The following SLC11A2 variants were observed in gnomAD, a reference collection of about 807,000 sequenced individuals.
SLC11A2 encodes natural resistance-associated macrophage protein 2.
SLC11A2 carries 38 observed loss-of-function variants against 68.0 expected under a neutral mutation model. The ratio of observed to expected loss-of-function variants is 0.56; its 90% CI spans 0.43 to 0.73. The LOEUF (loss-of-function observed/expected upper bound fraction) is 0.73, where lower values mean the gene tolerates loss of function less well. Among genes scored for constraint, SLC11A2 ranks in the 30% least tolerant of loss-of-function variants. The pLI, the probability that SLC11A2 is intolerant of heterozygous loss-of-function variation, is 0.00. For synonymous variants in SLC11A2, 242 were observed against 250.6 expected (o/e 0.97, Z 0.32); for missense variants, 517 against 690.5 (o/e 0.75, Z 2.82).
chr12:51,005,671 T>C, intron 3 of SLC11A2: 2 of 1,346,960 alleles, frequency 1.5e-6, no homozygotes, highest in South Asian at 2.5e-5. Context: ...TCCATCAGCC[T>C]CTTATTCTAA....
intron 3 of SLC11A2, 157 bp from the exon 4 acceptor site, chr12:51,005,593 T>C: frequency 6.8e-7 from 1 of 1,468,998 alleles, no homozygotes; most frequent in Non-Finnish European, 9.1e-7. Flanking sequence ...ACCTCCATCT[T>C]ACCCACTTTT....
rs1364626227 is a variant in SLC11A2 at position 51,026,047 on chromosome 12, G to A, written c.-39+263C>T. ...GCCATGTGTCCTAGGCCGCGGCGGGGAAGGGGCGAGACCCCCGCGACCTCC... is the reference window on the plus strand; with the variant it reads ...GCCATGTGTCCTAGGCCGCGGCGGGAAAGGGGCGAGACCCCCGCGACCTCC... On this transcript the variant is annotated intron_variant, in intron 1 of 15. Coordinates refer to ENST00000262052, the MANE Select transcript of SLC11A2 (RefSeq NM_000617.3). The A allele has an allele frequency of 6.4e-6, 7 of 1,092,900 alleles. No individual in the cohort carries two copies. In the Admixed American group the frequency reaches 1.7e-4, roughly 27 times the overall value. 67.7% of individuals were successfully genotyped at this position (1,092,900 alleles called of 1,614,324 possible).
downstream of SLC11A2, chr12:50,979,758 G>A (rs1287315356): frequency 1.4e-5 from 6 of 432,726 alleles, no homozygotes; most frequent in Admixed American, 2.5e-5. Flanking sequence ...TTTAAGGGCC[G>A]ATTATAAACG....
At chr12:50,956,664 C>T in the SLC11A2 span, among the ~76,000 whole-genome samples, 1 of 152,198 alleles carries the variant, frequency 6.6e-6, no homozygotes, top group Admixed American at 6.5e-5. Context: ...TTTCACTTAA[C>T]AGCTCATACG....
In SLC11A2 at chr12:51,000,325, A is replaced by G; in HGVS notation, c.524T>C (p.Leu175Pro). 1 of 1,611,906 alleles carries G rather than the reference A, an allele frequency of 6.2e-7. No individual in the cohort carries two copies. The highest frequency in any genetic ancestry group is 8.5e-7 in the Non-Finnish European group (1 of 1,177,918). The stretch of plus-strand genomic sequence containing the variant: ...GAAAACCCCTCACCTTCCTACAGAC[A>G]GAAGATTGATAGCAATGGCTGAGCC... ...VIGSAIAINL[L>P]SVGRIPLWGG... Residue 175 changes from leucine to proline, a missense_variant, in exon 6 of 16, where the codon CTG (leucine) becomes CCG (proline). By Grantham distance (98) the Leu-to-Pro change is moderately conservative. Coordinates refer to ENST00000262052, the MANE Select transcript of SLC11A2 (RefSeq NM_000617.3).
chr12:51,026,054 C>A (rs1944362725), intron 1 of SLC11A2: 18 of 1,096,982 alleles, frequency 1.6e-5, no homozygotes, highest in Non-Finnish European at 2.0e-5. Flanking sequence ...GGGGAAGGGG[C>A]GAGACCCCCG....
intron 1 of SLC11A2, chr12:51,024,339 T>C (rs1407053961): frequency 6.6e-6 from 1 of 152,202 alleles, no homozygotes; most frequent in African/African-American, 2.4e-5. Flanking sequence ...AATAAAGATG[T>C]CTTTGATTCA....
intron 5 of SLC11A2, 130 bp downstream of exon 5, chr12:51,004,658 C>T (rs12831269): frequency 0.18 from 165,607 of 924,696 alleles, 16,141 homozygotes; most frequent in South Asian, 0.28. Context: ...CCGTTGGTAC[C>T]GTCTGTCTTC....
At position 50,989,147 on chromosome 12, in the gene SLC11A2, T is replaced by C. The variant is rs559293294; in HGVS notation, c.1576-712A>G. 1.2e-4 allele frequency among the ~76,000 whole-genome samples: 19 copies of C among 152,270 alleles called. No individual in the cohort carries two copies. In the South Asian group the frequency reaches 3.9e-3, roughly 32 times the overall value. On this transcript the variant is annotated intron_variant, in intron 15 of 15. Transcript: ENST00000262052. ...AAGCTGCTCTATGAAGTTCCTGTTT[T>C]GAAGTTAAACAACAGTAACCCACTC... is the stretch of plus-strand genomic sequence containing the variant.
At position 50,986,393 on chromosome 12, in the gene SLC11A2, ATAT is replaced by A; in HGVS notation, c.*1929_*1931del. On this transcript the variant is annotated 3_prime_UTR_variant, in exon 16 of 16. Transcript: ENST00000262052. ...TTTAACACTGTGAAGTACACACATA[ATAT>A]TATAAAATGCCATTTAATTGGAAGG... 7.8e-7 allele frequency: 1 copy of A among 1,279,992 alleles called. No homozygotes were observed. The highest frequency in any genetic ancestry group is 1.0e-6 in the Non-Finnish European group (1 of 982,396). 79.3% of individuals were successfully genotyped at this position (1,279,992 alleles called of 1,614,324 possible).
chr12:50,998,007 A>G (rs570614994), intron 8 of SLC11A2, among the ~76,000 whole-genome samples: 1 of 151,814 alleles, frequency 6.6e-6, no homozygotes, highest in African/African-American at 2.4e-5. Context: ...AAAGAAAAGA[A>G]AAAAGAAAAA....
In SLC11A2 at chr12:50,988,112, A is replaced by G; in HGVS notation, c.*213T>C. On this transcript the variant is annotated 3_prime_UTR_variant, in exon 16 of 16. Transcript: ENST00000262052. Reference sequence around the variant, plus strand: ...GATAGCAGCAAATGTCAGCTTTTCAAAGATCCCACCCTAATCCAGTTCTAA... The same window carrying G: ...GATAGCAGCAAATGTCAGCTTTTCAGAGATCCCACCCTAATCCAGTTCTAA... 4 of 1,486,792 alleles carry G rather than the reference A, an allele frequency of 2.7e-6. No homozygotes were observed. The highest frequency in any genetic ancestry group is 3.6e-6 in the Non-Finnish European group (4 of 1,116,814). The allele number at this position is 1,486,792 out of a possible 1,614,324, so 92.1% of individuals were successfully genotyped here.
At chr12:50,970,871 CTTTATTTTAT>C in the SLC11A2 span, among the ~76,000 whole-genome samples, 10 of 151,400 alleles carry the variant, frequency 6.6e-5, no homozygotes, top group South Asian at 2.1e-3. Flanking sequence ...CTTCTCTTTT[CTTTATTTTAT>C]TTTATTTTAT....
At chr12:50,990,599 G>A (rs1431065193) in intron 15 of SLC11A2, 196 bp downstream of exon 15, 9 of 583,054 alleles carry the variant, frequency 1.5e-5, no homozygotes, top group Non-Finnish European at 2.7e-5. Flanking sequence ...TTGTAGAGAT[G>A]GAGTCTTACT....
chr12:50,981,769 T>TA, downstream of SLC11A2: 1 of 1,536,010 alleles, frequency 6.5e-7, no homozygotes, highest in Non-Finnish European at 8.7e-7. Flanking sequence ...GTTCAGAAGA[T>TA]AGAGTTCAGG....
chr12:50,997,328 G>A (rs1246338316), intron 8 of SLC11A2, among the ~76,000 whole-genome samples: 1 of 152,168 alleles, frequency 6.6e-6, no homozygotes, highest in Admixed American at 6.5e-5. Flanking sequence ...TTAGGGGCCA[G>A]AGAATTCAAG....
chr12:50,965,969 T>C, the SLC11A2 span, among the ~76,000 whole-genome samples: 3 of 152,322 alleles, frequency 2.0e-5, no homozygotes, highest in South Asian at 4.1e-4. Context: ...AGTTAGACTT[T>C]TGTTCACCAA....
Position 51,004,812 on chromosome 12 carries a change from T to C in SLC11A2, c.405A>G (p.Glu135=). 1 of 1,614,032 alleles carries C rather than the reference T, an allele frequency of 6.2e-7. No homozygotes were observed. Among genetic ancestry groups the C allele is most frequent in the South Asian group, 1.1e-5 (1 of 91,078 alleles). ...LGVVTGLHLA[E]VCHRQYPKVP... is the part of the protein sequence containing the mutation. The stretch of plus-strand genomic sequence containing the variant: ...CCTTGGGATACTGACGGTGACATAC[T>C]TCAGCAAGATGCAGCCCAGTAACCA... The change falls in exon 5 of 16, where the codon GAA becomes GAG. Residue 135 remains glutamate (E), a synonymous_variant. Transcript: ENST00000262052.
rs1334964116 is a variant in SLC11A2 at position 51,010,110 on chromosome 12, G to A, written c.34+585C>T. 5.9e-5 allele frequency among the ~76,000 whole-genome samples: 9 copies of A among 152,058 alleles called. No individual in the cohort carries two copies. In the South Asian group the frequency reaches 1.0e-3, roughly 18 times the overall value. ...GAGGCAGGAGAATCCATTGAACCGG[G>A]GAGGCGGAGGTTGCAGTGAGCCGAC... is the stretch of plus-strand genomic sequence containing the variant. On this transcript the variant is annotated intron_variant, in intron 2 of 15. Transcript: ENST00000262052.
Sources: allele counts gnomAD v4.1 joint callset (sites outside exome capture counted in the v4.1 genomes callset), GRCh38; gene constraint gnomAD v4.1.1; transcripts MANE v1.5; gene names NCBI Gene and HGNC (gene_info 2026-07-23, HGNC 2026-07-21).